CEPT1: variants seen among roughly 807,000 people sequenced by gnomAD.
CEPT1 encodes choline/ethanolaminephosphotransferase 1.
A neutral mutation model predicts 42.6 loss-of-function variants in CEPT1; 7 were observed. The ratio of observed to expected loss-of-function variants is 0.16; its 90% CI spans 0.09 to 0.31. The LOEUF (loss-of-function observed/expected upper bound fraction) is 0.31. Ranked by LOEUF, CEPT1 falls within the 10% of genes least tolerant of loss-of-function variation. The pLI is 1.00. For missense variants in CEPT1, 306 were observed against 502.1 expected (o/e 0.61, Z 3.73); for synonymous variants, 171 against 171.9 (o/e 0.99, Z 0.04).
chr1:111,160,953 TAAA>T (rs71096395), intron 3 of CEPT1, 199 bp from the exon 4 acceptor site: 4,466 of 449,896 alleles, frequency 9.9e-3, no homozygotes, highest in Middle Eastern at 0.015. Context: ...AGTGATTTGG[TAAA>T]AAAAAAAAAA....
At chr1:111,158,211 A>T (rs1280279649) in intron 2 of CEPT1, among the ~76,000 whole-genome samples, 1 of 152,144 alleles carries the variant, frequency 6.6e-6, no homozygotes, top group Non-Finnish European at 1.5e-5. Flanking sequence ...AAAATTAGCC[A>T]GGCTTTGTGG....
Position 111,184,554 on chromosome 1 carries a change from C to T in CEPT1, c.*244C>T, listed in dbSNP as rs899318645. The T allele has an allele frequency of 8.1e-5, 26 of 319,668 alleles. No homozygotes were observed. In the South Asian group the frequency reaches 8.9e-4, roughly 11 times the overall value. The allele number at this position is 319,668 out of a possible 1,614,324, so 19.8% of individuals were successfully genotyped here. ...CCAAGAAAGCATGCAGAAAAAAATG[C>T]CATGTGATTGTAATTATCCTGGATT... On this transcript the variant is annotated 3_prime_UTR_variant, in exon 9 of 9. Transcript: ENST00000357172.
At chr1:111,182,015 T>G in intron 5 of CEPT1, 172 bp from the exon 6 acceptor site, 4 of 427,686 alleles carry the variant, frequency 9.4e-6, no homozygotes, top group African/African-American at 2.1e-5. Context: ...TCTCAACTCT[T>G]GAGACTTGCT....
At chr1:111,169,237 T>C (rs1490506963) in intron 4 of CEPT1, among the ~76,000 whole-genome samples, 1 of 152,196 alleles carries the variant, frequency 6.6e-6, no homozygotes, top group East Asian at 1.9e-4. Context: ...CCTTTACCCT[T>C]ACACTGTCTT....
At chr1:111,148,150 C>T in intron 2 of CEPT1, 97 bp downstream of exon 2, 1 of 860,262 alleles carries the variant, frequency 1.2e-6, no homozygotes, top group Non-Finnish European at 1.8e-6. Context: ...AGTAATCTGA[C>T]AGCTGTCAAC....
At chr1:111,167,507 A>AT (rs973243719) in intron 4 of CEPT1, 18 of 876,334 alleles carry the variant, frequency 2.1e-5, no homozygotes, top group Admixed American at 1.9e-4. Context: ...AGTAAATAGA[A>AT]TTTTTTTTAT....
At chr1:111,141,385 T>C (rs1654541812) in intron 1 of CEPT1, among the ~76,000 whole-genome samples, 1 of 152,258 alleles carries the variant, frequency 6.6e-6, no homozygotes, top group Admixed American at 6.5e-5. Context: ...ACAACTTGTC[T>C]TTCCAACACA....
chr1:111,167,352 G>A, intron 4 of CEPT1: 2 of 956,242 alleles, frequency 2.1e-6, no homozygotes, highest in Non-Finnish European at 2.5e-6. Flanking sequence ...AATATATTAG[G>A]GCAATAAAAA....
At chr1:111,145,096 A>C (rs1369224009) in intron 1 of CEPT1, among the ~76,000 whole-genome samples, 2 of 151,970 alleles carry the variant, frequency 1.3e-5, no homozygotes, top group Non-Finnish European at 2.9e-5. Context: ...GCTCACTGCA[A>C]CCTTCGCCTC....
chr1:111,146,088 T>C (rs1405303467), intron 1 of CEPT1, among the ~76,000 whole-genome samples: 1 of 151,966 alleles, frequency 6.6e-6, no homozygotes, highest in African/African-American at 2.4e-5. Flanking sequence ...TTCTTTTTTT[T>C]TTTTTTTTAA....
At chr1:111,166,838 AT>A (rs1385545455) in intron 4 of CEPT1, among the ~76,000 whole-genome samples, 1 of 152,210 alleles carries the variant, frequency 6.6e-6, no homozygotes, top group Admixed American at 6.5e-5. Context: ...TGATTTTAGT[AT>A]TAGTGTTTCC....
Position 111,183,457 on chromosome 1 carries a change from C to A in CEPT1, c.1006-5C>A. ...AATGCCTACGTTATTCTGTTTTATT[C>A]ATAGGTTGCACACATGACGAAAAGT... is the stretch of plus-strand genomic sequence containing the variant. On this transcript the variant is annotated splice_polypyrimidine_tract_variant and splice_region_variant and intron_variant, in intron 7 of 8. Transcript: ENST00000357172. 1 of 1,613,122 alleles carries A rather than the reference C, an allele frequency of 6.2e-7. No individual in the cohort carries two copies. Among genetic ancestry groups the A allele is most frequent in the South Asian group, 1.1e-5 (1 of 91,032 alleles).
intron 2 of CEPT1, among the ~76,000 whole-genome samples, chr1:111,151,670 C>T (rs910204260): frequency 3.9e-5 from 6 of 152,142 alleles, no homozygotes; most frequent in South Asian, 2.1e-4. Context: ...TCCTTAGAGA[C>T]AATAGATGAC....
intron 1 of CEPT1, among the ~76,000 whole-genome samples, chr1:111,146,263 A>G (rs1654958652): frequency 6.6e-6 from 1 of 151,956 alleles, no homozygotes; most frequent in African/African-American, 2.4e-5. Flanking sequence ...CTCTTACCAA[A>G]ACTCCAGTTT....
At chr1:111,140,178 G>A (rs1654324806), upstream of CEPT1, 1 of 152,286 alleles carries the variant, frequency 6.6e-6, no homozygotes, top group Non-Finnish European at 1.5e-5. Context: ...CGCCTGCGGC[G>A]CTGCTCGTTC....
chr1:111,147,578 G>C (rs553710941), intron 1 of CEPT1, 64 bp from the exon 2 acceptor site: 9 of 556,782 alleles, frequency 1.6e-5, no homozygotes, highest in African/African-American at 1.4e-4. Flanking sequence ...GTTAATATTG[G>C]CATAAGATGT....
chr1:111,163,605 CAAAA>C (rs201584154), intron 4 of CEPT1, among the ~76,000 whole-genome samples: 1 of 132,802 alleles, frequency 7.5e-6, no homozygotes, highest in Non-Finnish European at 1.6e-5. Flanking sequence ...GAACATGTCT[CAAAA>C]AAAAAAAAGA....
At chr1:111,167,813 A>G (rs769555742) in intron 4 of CEPT1, 206 of 857,910 alleles carry the variant, frequency 2.4e-4, no homozygotes, top group Non-Finnish European at 2.7e-4. Context: ...TTCTTTGAAT[A>G]CTTTCCTTTT....
At chr1:111,157,996 A>C (rs1571129293) in intron 2 of CEPT1, among the ~76,000 whole-genome samples, 2 of 152,344 alleles carry the variant, frequency 1.3e-5, no homozygotes, top group African/African-American at 4.8e-5. Flanking sequence ...ATACTCTTCC[A>C]CATTCTTAAG....
Sources: gnomAD v4.1 joint callset for allele counts (sites outside exome capture counted in the v4.1 genomes callset) on GRCh38, gnomAD v4.1.1 for gene constraint, MANE v1.5 for transcripts, NCBI Gene and HGNC (gene_info 2026-07-23, HGNC 2026-07-21) for gene names.